LRRTM3: variants seen among roughly 807,000 people sequenced by gnomAD.
LRRTM3 encodes leucine rich repeat transmembrane neuronal 3, also known as leucine-rich repeat transmembrane neuronal protein 3.
Under a neutral mutation model 44.7 loss-of-function variants are expected in LRRTM3, and 24 were observed. The ratio of observed to expected loss-of-function variants is 0.54; its 90% CI spans 0.39 to 0.76. The LOEUF is 0.76. Among genes scored for constraint, LRRTM3 ranks in the 30% least tolerant of loss-of-function variants. LRRTM3 has a pLI of 0.00. For missense variants in LRRTM3, 587 were observed against 702.2 expected (o/e 0.84, Z 1.85); for synonymous variants, 277 against 278.7 (o/e 0.99, Z 0.06).
chr10:67,047,417 A>G (rs546431885), intron 2 of LRRTM3, among the ~76,000 whole-genome samples: 3 of 152,176 alleles, frequency 2.0e-5, no homozygotes, highest in Non-Finnish European at 4.4e-5. Flanking sequence ...ATGAAAGGAT[A>G]GTGCTAAGTG....
intron 2 of LRRTM3, among the ~76,000 whole-genome samples, chr10:67,003,785 T>G (rs532443525): frequency 6.6e-6 from 1 of 152,250 alleles, no homozygotes; most frequent in African/African-American, 2.4e-5. Flanking sequence ...CAATACAAAT[T>G]GAGAGGTTAA....
At chr10:67,093,335 A>G (rs1002226903) in intron 2 of LRRTM3, among the ~76,000 whole-genome samples, 2 of 151,988 alleles carry the variant, frequency 1.3e-5, no homozygotes, top group Non-Finnish European at 2.9e-5. Context: ...AGGTTGACTA[A>G]GTCATTTATT....
chr10:67,097,915 AT>A lies in LRRTM3; in HGVS notation c.*120del, dbSNP rs1589735592. ...ACAAAACACAAAATCCCCTGTTCAA[AT>A]AAACAAAAAATCCAAGATTGATTCA... On this transcript the variant is annotated 3_prime_UTR_variant, in exon 3 of 3. Coordinates refer to ENST00000361320, the MANE Select transcript of LRRTM3 (RefSeq NM_178011.5). 8.3e-6 allele frequency: 7 copies of A among 838,414 alleles called. No homozygotes were observed. In the East Asian group the frequency reaches 1.9e-4, roughly 22 times the overall value. 51.9% of individuals were successfully genotyped at this position (838,414 alleles called of 1,614,324 possible).
At chr10:66,964,980 A>G (rs984724636) in intron 2 of LRRTM3, among the ~76,000 whole-genome samples, 7 of 152,238 alleles carry the variant, frequency 4.6e-5, no homozygotes, top group African/African-American at 1.7e-4. Context: ...AAGCAATAAA[A>G]TAAGATGAAT....
At chr10:67,032,543 C>T (rs972316847) in intron 2 of LRRTM3, among the ~76,000 whole-genome samples, 1 of 152,148 alleles carries the variant, frequency 6.6e-6, no homozygotes, top group Non-Finnish European at 1.5e-5. Context: ...ATACTCTCTA[C>T]AGATTTCTTT....
At chr10:67,044,182 A>G (rs1432246668) in intron 2 of LRRTM3, among the ~76,000 whole-genome samples, 2 of 152,112 alleles carry the variant, frequency 1.3e-5, no homozygotes, top group Non-Finnish European at 2.9e-5. Flanking sequence ...CTTATAAGTG[A>G]GAACATGTAA....
intron 2 of LRRTM3, among the ~76,000 whole-genome samples, chr10:67,059,537 C>T (rs1003794605): frequency 4.6e-5 from 7 of 152,058 alleles, no homozygotes; most frequent in South Asian, 2.1e-4. Flanking sequence ...GATGATATGT[C>T]GTCAAAGTAT....
intron 2 of LRRTM3, among the ~76,000 whole-genome samples, chr10:66,991,898 G>C (rs149917021): frequency 6.6e-6 from 1 of 152,042 alleles, no homozygotes; most frequent in Non-Finnish European, 1.5e-5. Flanking sequence ...TTCTAGAAAA[G>C]AAGGCCATCT....
chr10:67,002,328 C>A (rs1589581413), intron 2 of LRRTM3, among the ~76,000 whole-genome samples: 1 of 152,148 alleles, frequency 6.6e-6, no homozygotes, highest in Admixed American at 6.5e-5. Flanking sequence ...ACTACTAATT[C>A]TCAGAGCAGT....
chr10:67,008,962 G>A (rs1031087459), intron 2 of LRRTM3, among the ~76,000 whole-genome samples: 1 of 152,056 alleles, frequency 6.6e-6, no homozygotes, highest in Non-Finnish European at 1.5e-5. Context: ...ACTTGGGTGG[G>A]TATAAAACCT....
chr10:67,071,441 C>T (rs990084435), intron 2 of LRRTM3, among the ~76,000 whole-genome samples: 2 of 149,728 alleles, frequency 1.3e-5, no homozygotes, highest in African/African-American at 4.9e-5. Context: ...CACTACATTT[C>T]ATTTATCTTC....
rs115877412 is a variant in LRRTM3 at position 67,006,208 on chromosome 10, G to T, written c.1536+77756G>T. The stretch of plus-strand genomic sequence containing the variant: ...CACAAAGTCACAGAGACAGGAAGTG[G>T]CAGAGTCAGGATTTAAGTTTACTTC... On this transcript the variant is annotated intron_variant, in intron 2 of 2. Coordinates refer to ENST00000361320, the MANE Select transcript of LRRTM3 (RefSeq NM_178011.5). Among the ~76,000 whole-genome samples, 860 of 152,144 alleles carry T rather than the reference G, an allele frequency of 5.7e-3. 6 individuals are homozygous for T. Among genetic ancestry groups the T allele is most frequent in the African/African-American group, 0.02 (818 of 41,512 alleles).
At position 66,970,792 on chromosome 10, in the gene LRRTM3, T is replaced by C. The variant is rs75720521; in HGVS notation, c.1536+42340T>C. ...GATTGCCCAAGTGATATTTGAATTA[T>C]ACCAAAAAAGAGACAGTATATACAT... On this transcript the variant is annotated intron_variant, in intron 2 of 2. Transcript: ENST00000361320. Among the ~76,000 whole-genome samples the C allele has an allele frequency of 8.2e-3, 1,251 of 152,204 alleles. 25 individuals carry two copies. The highest frequency in any genetic ancestry group is 0.029 in the African/African-American group (1,184 of 41,494).
chr10:66,992,056 A>C lies in LRRTM3; in HGVS notation c.1536+63604A>C, dbSNP rs909465129. Among the ~76,000 whole-genome samples the C allele has an allele frequency of 4.9e-4, 75 of 152,238 alleles. 1 individual carries two copies. The highest frequency in any genetic ancestry group is 1.6e-3 in the African/African-American group (68 of 41,564). ...TGTATGTCTCTTTGTGAACGTCAAC[A>C]ATTAGGATATGGACTTCCTCAGCCT... On this transcript the variant is annotated intron_variant, in intron 2 of 2. Coordinates refer to ENST00000361320, the MANE Select transcript of LRRTM3 (RefSeq NM_178011.5).
intron 2 of LRRTM3, among the ~76,000 whole-genome samples, chr10:66,933,796 A>C (rs2132651259): frequency 6.6e-6 from 1 of 152,342 alleles, no homozygotes; most frequent in South Asian, 2.1e-4. Flanking sequence ...AATTCATCAA[A>C]GAATGACAAA....
chr10:67,079,648 G>C (rs1410092206), intron 2 of LRRTM3, among the ~76,000 whole-genome samples: 1 of 152,076 alleles, frequency 6.6e-6, no homozygotes, highest in Non-Finnish European at 1.5e-5. Flanking sequence ...AGGAGTTCAA[G>C]ACCAGCCTGG....
chr10:67,069,548 C>G (rs1011297013), intron 2 of LRRTM3, among the ~76,000 whole-genome samples: 4 of 148,926 alleles, frequency 2.7e-5, no homozygotes, highest in African/African-American at 1.0e-4. Context: ...ACAAGGTGTA[C>G]AGCAGCCCGC....
intron 2 of LRRTM3, among the ~76,000 whole-genome samples, chr10:67,001,932 G>A (rs879652133): frequency 3.9e-5 from 6 of 152,082 alleles, no homozygotes; most frequent in East Asian, 1.9e-4. Flanking sequence ...TTTCAGTCAG[G>A]GCTTCACCAT....
At position 66,928,801 on chromosome 10, in the gene LRRTM3, C is replaced by A. The variant is rs552361916; in HGVS notation, c.1536+349C>A. On this transcript the variant is annotated intron_variant, in intron 2 of 2. Coordinates refer to ENST00000361320, the MANE Select transcript of LRRTM3 (RefSeq NM_178011.5). The stretch of plus-strand genomic sequence containing the variant: ...GTAATCCCCCACATTCGCTGTTAGC[C>A]TCCTGGTGGGACCAAATCTACAGTT... Among the ~76,000 whole-genome samples, 8 of 152,246 alleles carry A rather than the reference C, an allele frequency of 5.3e-5. No individual in the cohort carries two copies. The South Asian group carries it at 1.7e-3, about 32-fold the overall frequency.
Sources: allele counts gnomAD v4.1 joint callset (sites outside exome capture counted in the v4.1 genomes callset), GRCh38; gene constraint gnomAD v4.1.1; transcripts MANE v1.5; gene names NCBI Gene and HGNC (gene_info 2026-07-23, HGNC 2026-07-21).